Variants in FSTL5 observed in about 807,000 individuals in gnomAD.
FSTL5 encodes the protein follistatin like 5.
Under a neutral mutation model 89.1 loss-of-function variants are expected in FSTL5, and 62 were observed. The observed-to-expected ratio is 0.70, with a 90% CI of 0.57 to 0.86. The LOEUF is 0.86. FSTL5 is among the 40% of genes least tolerant of loss of function. FSTL5 has a pLI of 0.00. For missense variants in FSTL5, 1,057 were observed against 1,001.6 expected (o/e 1.06, Z -0.75); for synonymous variants, 383 against 346.2 (o/e 1.11, Z -1.18).
rs576089469 is a variant in FSTL5 at position 161,539,420 on chromosome 4, T to C, written c.1178-1120A>G. Among the ~76,000 whole-genome samples, 18 of 152,258 alleles carry C rather than the reference T, an allele frequency of 1.2e-4. 1 individual carries two copies. Among genetic ancestry groups the C allele is most frequent in the African/African-American group, 2.9e-4 (12 of 41,564 alleles). On this transcript the variant is annotated intron_variant, in intron 9 of 15. Coordinates refer to ENST00000306100, the MANE Select transcript of FSTL5 (RefSeq NM_020116.5). ...GTGAGATATGGACAGGCAGTGGATG[T>C]GGATGTTTGAGAGACATAATCATTT...
At chr4:161,991,122 T>A (rs1736098728) in intron 3 of FSTL5, among the ~76,000 whole-genome samples, 1 of 152,202 alleles carries the variant, frequency 6.6e-6, no homozygotes, top group South Asian at 2.1e-4. Context: ...GAAAGGACTA[T>A]TAAGATAGTC....
chr4:161,734,410 C>G (rs1341753518), intron 6 of FSTL5, among the ~76,000 whole-genome samples: 5 of 152,140 alleles, frequency 3.3e-5, no homozygotes, highest in Non-Finnish European at 1.5e-5. Flanking sequence ...GTCCAGACAG[C>G]TGTAATCAAG....
chr4:161,479,522 C>A (rs903652368), intron 13 of FSTL5, among the ~76,000 whole-genome samples: 4 of 152,080 alleles, frequency 2.6e-5, no homozygotes, highest in Non-Finnish European at 5.9e-5. Flanking sequence ...TTTTGATAAT[C>A]CCAAAATGAA....
chr4:161,695,878 T>C (rs556270597), intron 6 of FSTL5, among the ~76,000 whole-genome samples: 1 of 152,242 alleles, frequency 6.6e-6, no homozygotes, highest in East Asian at 1.9e-4. Flanking sequence ...TGGATGTATA[T>C]ATTGAGAAGA....
chr4:161,510,274 T>C (rs1730608738), intron 11 of FSTL5, 124 bp downstream of exon 11: 2 of 671,628 alleles, frequency 3.0e-6, no homozygotes, highest in South Asian at 3.7e-5. Flanking sequence ...AATATTGAAA[T>C]ACCATCAATT....
intron 4 of FSTL5, among the ~76,000 whole-genome samples, chr4:161,781,043 T>C (rs1160353325): frequency 2.6e-5 from 4 of 152,102 alleles, no homozygotes; most frequent in Admixed American, 2.6e-4. Flanking sequence ...ACTCAAAGAA[T>C]AAAAATGTTT....
In FSTL5 at chr4:161,678,791, G is replaced by T. The variant is rs1339723566; in HGVS notation, c.728-22297C>A. 2.6e-5 allele frequency among the ~76,000 whole-genome samples: 4 copies of T among 151,890 alleles called. No homozygotes were observed. In the East Asian group the frequency reaches 7.7e-4, roughly 29 times the overall value. On this transcript the variant is annotated intron_variant, in intron 6 of 15. Coordinates refer to ENST00000306100, the MANE Select transcript of FSTL5 (RefSeq NM_020116.5). The stretch of plus-strand genomic sequence containing the variant: ...TATTGTTAAGAGAACATCATTTGGA[G>T]ATTTACTGTAGATTATTTTGGGAGA...
chr4:161,478,337 C>A (rs922499270), intron 13 of FSTL5, among the ~76,000 whole-genome samples: 6 of 152,090 alleles, frequency 3.9e-5, no homozygotes, highest in African/African-American at 1.2e-4. Context: ...AAGTTATGAT[C>A]TGTTGAGCTT....
At chr4:161,613,955 G>A (rs1346312213) in intron 7 of FSTL5, among the ~76,000 whole-genome samples, 1 of 151,490 alleles carries the variant, frequency 6.6e-6, no homozygotes, top group South Asian at 2.1e-4. Flanking sequence ...ATTTTATTTC[G>A]AATCACTATA....
chr4:161,957,419 T>G (rs1735054466), intron 3 of FSTL5, among the ~76,000 whole-genome samples: 1 of 152,148 alleles, frequency 6.6e-6, no homozygotes. Flanking sequence ...TTTTATTCAT[T>G]CTTTTCTTTG....
rs192775375 is a variant in FSTL5 at position 161,912,810 on chromosome 4, G to A, written c.409+7594C>T. Among the ~76,000 whole-genome samples, 12 of 152,290 alleles carry A rather than the reference G, an allele frequency of 7.9e-5. 1 individual carries two copies. The highest frequency in any genetic ancestry group is 4.8e-5 in the African/African-American group (2 of 41,566). On this transcript the variant is annotated intron_variant, in intron 4 of 15. Transcript: ENST00000306100. Reference sequence around the variant, plus strand: ...GTGGGAAAGTTTGGAAACTCCTAGCGACTTCTTGAATGGCTTGGACAAAAA... The same window carrying A: ...GTGGGAAAGTTTGGAAACTCCTAGCAACTTCTTGAATGGCTTGGACAAAAA...
At chr4:161,998,932 C>CTGTT (rs990777116) in intron 3 of FSTL5, among the ~76,000 whole-genome samples, 1 of 151,448 alleles carries the variant, frequency 6.6e-6, no homozygotes, top group African/African-American at 2.4e-5. Flanking sequence ...TCTACAAAGT[C>CTGTT]TGTTTTGTCA....
intron 15 of FSTL5, among the ~76,000 whole-genome samples, chr4:161,442,525 A>G (rs1221016811): frequency 6.6e-6 from 1 of 152,102 alleles, no homozygotes. Flanking sequence ...ACCTAAGGCC[A>G]TGGCGAAGTT....
chr4:161,765,799 A>AT (rs796552249), intron 5 of FSTL5, among the ~76,000 whole-genome samples: 13,985 of 143,828 alleles, frequency 0.097, 792 homozygotes, highest in African/African-American at 0.16. Context: ...TCTAATATGC[A>AT]TTTTTTTTTT....
At chr4:162,103,704 T>C (rs766302013) in intron 2 of FSTL5, among the ~76,000 whole-genome samples, 1 of 152,204 alleles carries the variant, frequency 6.6e-6, no homozygotes, top group African/African-American at 2.4e-5. Flanking sequence ...TGTCCCCTAC[T>C]GAGAGACAGG....
chr4:161,919,735 A>G (rs1012347098), intron 4 of FSTL5, among the ~76,000 whole-genome samples: 3 of 152,192 alleles, frequency 2.0e-5, no homozygotes, highest in South Asian at 2.1e-4. Context: ...CAACAAATAA[A>G]TGTATAAAAA....
intron 7 of FSTL5, among the ~76,000 whole-genome samples, chr4:161,596,881 G>GT (rs147786798): frequency 6.6e-6 from 1 of 152,038 alleles, no homozygotes; most frequent in Non-Finnish European, 1.5e-5. Flanking sequence ...GGGGTTGTTT[G>GT]TTTTTTTCTT....
intron 3 of FSTL5, among the ~76,000 whole-genome samples, chr4:161,946,514 T>C (rs1335536019): frequency 6.6e-6 from 1 of 152,196 alleles, no homozygotes; most frequent in Non-Finnish European, 1.5e-5. Flanking sequence ...TCACACAATA[T>C]GTATTTTTTT....
intron 2 of FSTL5, among the ~76,000 whole-genome samples, chr4:162,089,632 CAAA>C (rs755573032): frequency 7.0e-5 from 3 of 42,596 alleles, no homozygotes; most frequent in Non-Finnish European, 1.1e-4. Context: ...GAATCTGTCT[CAAA>C]AAAAAAAAAA....
Sources: allele counts gnomAD v4.1 joint callset (sites outside exome capture counted in the v4.1 genomes callset), GRCh38; gene constraint gnomAD v4.1.1; transcripts MANE v1.5; gene names NCBI Gene and HGNC (gene_info 2026-07-23, HGNC 2026-07-21).